The following RPS6KC1 variants were observed in gnomAD, a reference collection of about 807,000 sequenced individuals.
RPS6KC1 encodes ribosomal protein S6 kinase C1, also known as inactive ribosomal protein S6 kinase delta-1.
RPS6KC1 carries 54 observed loss-of-function variants against 103.8 expected under a neutral mutation model. The ratio of observed to expected loss-of-function variants is 0.52; its 90% confidence interval spans 0.42 to 0.65. The LOEUF (loss-of-function observed/expected upper bound fraction) is 0.65, where lower values mean the gene tolerates loss of function less well. RPS6KC1 is among the 30% of genes least tolerant of loss of function. RPS6KC1 has a pLI of 0.00. For synonymous variants in RPS6KC1, 439 were observed against 438.7 expected, an observed-to-expected ratio of 1.00 and a Z score of -0.01; for missense variants, 1,151 against 1,253.8, an observed-to-expected ratio of 0.92 and a Z score of 1.24.
At chr1:213,561,927 T>C in the RPS6KC1 span, among the ~76,000 whole-genome samples, 3 of 152,180 alleles carry the variant, frequency 2.0e-5, no homozygotes, top group Non-Finnish European at 4.4e-5. Flanking sequence ...GGTCAGTTGT[T>C]GGGGGCACAA....
At chr1:213,261,004 C>T (rs2094779636) in intron 12 of RPS6KC1, among the ~76,000 whole-genome samples, 1 of 152,180 alleles carries the variant, frequency 6.6e-6, no homozygotes, top group Admixed American at 6.5e-5. Flanking sequence ...ATTTCACATG[C>T]TCCTCCTTTG....
chr1:213,480,384 A>G, the RPS6KC1 span, among the ~76,000 whole-genome samples: 4 of 151,990 alleles, frequency 2.6e-5, no homozygotes, highest in East Asian at 3.8e-4. Context: ...TTTTGATGCA[A>G]TTGTGAATTC....
the RPS6KC1 span, among the ~76,000 whole-genome samples, chr1:213,686,947 C>A: frequency 7.9e-6 from 1 of 126,570 alleles, no homozygotes; most frequent in South Asian, 2.3e-4. Flanking sequence ...TATGGGGTAA[C>A]TTCCAGATGT....
chr1:213,619,130 T>C, the RPS6KC1 span, among the ~76,000 whole-genome samples: 6 of 152,318 alleles, frequency 3.9e-5, no homozygotes, highest in African/African-American at 1.4e-4. Flanking sequence ...CAGAGTTGAT[T>C]AGTGACTCAA....
At chr1:213,695,609 A>G in the RPS6KC1 span, among the ~76,000 whole-genome samples, 1 of 152,224 alleles carries the variant, frequency 6.6e-6, no homozygotes, top group African/African-American at 2.4e-5. Context: ...CCTTTTCTTG[A>G]TGCTCTCAGT....
chr1:213,430,505 T>C, the RPS6KC1 span, among the ~76,000 whole-genome samples: 1 of 152,356 alleles, frequency 6.6e-6, no homozygotes, highest in East Asian at 1.9e-4. Flanking sequence ...TGTGTTTATC[T>C]ACTGTTTGGA....
the RPS6KC1 span, among the ~76,000 whole-genome samples, chr1:213,487,848 T>C: frequency 6.6e-6 from 1 of 152,244 alleles, no homozygotes; most frequent in South Asian, 2.1e-4. Context: ...GTTATTATTA[T>C]TACCTTTCCT....
chr1:213,098,847 TA>T (rs1558312705), intron 3 of RPS6KC1, among the ~76,000 whole-genome samples: 1 of 152,142 alleles, frequency 6.6e-6, no homozygotes, highest in South Asian at 2.1e-4. Flanking sequence ...CTTCAATTTG[TA>T]AAAAAATGCA....
chr1:213,822,136 T>G, the RPS6KC1 span: 1 of 152,228 alleles, frequency 6.6e-6, no homozygotes, highest in African/African-American at 2.4e-5. Context: ...TGAGCCCCTT[T>G]GTGCTCTCCT....
At chr1:213,099,805 G>A (rs60194877) in intron 3 of RPS6KC1, among the ~76,000 whole-genome samples, 5 of 152,078 alleles carry the variant, frequency 3.3e-5, no homozygotes, top group African/African-American at 1.2e-4. Context: ...CATCCATACT[G>A]TTGTGTTCAT....
the RPS6KC1 span, among the ~76,000 whole-genome samples, chr1:213,591,840 C>T: frequency 1.1e-4 from 16 of 152,304 alleles, no homozygotes; most frequent in African/African-American, 3.8e-4. Flanking sequence ...AAAGCCAGTG[C>T]CCCTTCACAC....
chr1:213,584,984 A>G, the RPS6KC1 span, among the ~76,000 whole-genome samples: 1 of 152,216 alleles, frequency 6.6e-6, no homozygotes, highest in East Asian at 1.9e-4. Context: ...GTATTAGGGC[A>G]TGTGAGTAAG....
At chr1:213,234,014 CTTTT>C (rs565425301) in intron 10 of RPS6KC1, among the ~76,000 whole-genome samples, 5,315 of 135,062 alleles carry the variant, frequency 0.039, 283 homozygotes, top group African/African-American at 0.14. Flanking sequence ...CTCTCTCTCT[CTTTT>C]TTTTTTTTTT....
At chr1:213,070,776 A>G (rs1407211598) in intron 1 of RPS6KC1, among the ~76,000 whole-genome samples, 1 of 152,220 alleles carries the variant, frequency 6.6e-6, no homozygotes, top group East Asian at 1.9e-4. Context: ...TTTTAGGCCA[A>G]ACTTAAAATA....
chr1:213,625,129 C>G, the RPS6KC1 span, among the ~76,000 whole-genome samples: 578 of 152,086 alleles, frequency 3.8e-3, 4 homozygotes, highest in African/African-American at 0.013. Flanking sequence ...CTTGGCCTCC[C>G]AAAGTGCTAG....
At chr1:213,555,536 C>T in the RPS6KC1 span, among the ~76,000 whole-genome samples, 1 of 152,110 alleles carries the variant, frequency 6.6e-6, no homozygotes, top group South Asian at 2.1e-4. Flanking sequence ...GCAGCCTCGA[C>T]CCCCTGGGCT....
At chr1:213,239,553 T>C (rs955211789) in intron 10 of RPS6KC1, among the ~76,000 whole-genome samples, 1 of 152,166 alleles carries the variant, frequency 6.6e-6, no homozygotes, top group Admixed American at 6.5e-5. Context: ...TTCCGTTGAC[T>C]TTTTTACACA....
the RPS6KC1 span, among the ~76,000 whole-genome samples, chr1:213,690,992 GA>G: frequency 6.6e-6 from 1 of 152,050 alleles, no homozygotes; most frequent in Non-Finnish European, 1.5e-5. Flanking sequence ...GGCATCATCA[GA>G]ACAGCAAGAG....
chr1:213,358,266 G>C, the RPS6KC1 span, among the ~76,000 whole-genome samples: 4 of 152,108 alleles, frequency 2.6e-5, no homozygotes, highest in Admixed American at 2.6e-4. Flanking sequence ...TCTGGTCCTG[G>C]ACTTTTTTGG....
Sources: allele counts gnomAD v4.1 joint callset (sites outside exome capture counted in the v4.1 genomes callset), GRCh38; gene constraint gnomAD v4.1.1; transcripts MANE v1.5; gene names NCBI Gene and HGNC (gene_info 2026-07-23, HGNC 2026-07-21).